SAFB: variants seen among roughly 807,000 people sequenced by gnomAD.
SAFB encodes scaffold attachment factor B1.
In SAFB, 15 loss-of-function variants were observed where a neutral mutation model predicts 101.6. That is an observed-to-expected ratio of 0.15 (90% CI 0.10 to 0.23). The LOEUF is 0.23. Among genes scored for constraint, SAFB ranks in the 10% least tolerant of loss-of-function variants. SAFB has a pLI of 1.00. For missense variants in SAFB, 930 were observed against 1,104.1 expected, an observed-to-expected ratio of 0.84 and a Z score of 2.23; for synonymous variants, 449 against 407.5, an observed-to-expected ratio of 1.10 and a Z score of -1.23.
intron 4 of SAFB, among the ~76,000 whole-genome samples, chr19:5,644,058 G>GTTTTT (rs1465881179): frequency 6.6e-6 from 1 of 152,004 alleles, no homozygotes; most frequent in Admixed American, 6.6e-5. Flanking sequence ...TTTTGTTTTT[G>GTTTTT]TTTTGGGGTT....
At chr19:5,642,406 A>C (rs188731036) in intron 4 of SAFB, among the ~76,000 whole-genome samples, 1 of 152,094 alleles carries the variant, frequency 6.6e-6, no homozygotes, top group Non-Finnish European at 1.5e-5. Flanking sequence ...TGATTGTGCA[A>C]TTGAAGTCCA....
At chr19:5,643,254 T>TG (rs950047690) in intron 4 of SAFB, among the ~76,000 whole-genome samples, 13 of 151,924 alleles carry the variant, frequency 8.6e-5, no homozygotes, top group African/African-American at 1.2e-4. Flanking sequence ...TGTTGGCTCG[T>TG]GGGGGGCCCT....
At chr19:5,659,882 A>G (rs984627106) in intron 14 of SAFB, among the ~76,000 whole-genome samples, 7 of 152,140 alleles carry the variant, frequency 4.6e-5, no homozygotes, top group Admixed American at 4.6e-4. Flanking sequence ...CCTATGAACA[A>G]GGAAGTGTGG....
At chr19:5,642,968 G>T (rs1484779039) in intron 4 of SAFB, among the ~76,000 whole-genome samples, 1 of 152,014 alleles carries the variant, frequency 6.6e-6, no homozygotes, top group East Asian at 1.9e-4. Flanking sequence ...CGCCCAGCAT[G>T]TGCCCTTTAA....
intron 2 of SAFB, among the ~76,000 whole-genome samples, chr19:5,628,014 G>A (rs1165092021): frequency 1.3e-5 from 2 of 152,192 alleles, no homozygotes; most frequent in Non-Finnish European, 2.9e-5. Flanking sequence ...ACTTTGGGAG[G>A]TTGAGGCGGA....
At chr19:5,656,752 TTTTA>T (rs1309060462) in intron 13 of SAFB, among the ~76,000 whole-genome samples, 5 of 151,764 alleles carry the variant, frequency 3.3e-5, no homozygotes, top group Admixed American at 1.3e-4. Context: ...AATTTTTATT[TTTTA>T]TTTATTTATT....
At chr19:5,662,487 C>T (rs1017723158) in intron 15 of SAFB, among the ~76,000 whole-genome samples, 4 of 150,178 alleles carry the variant, frequency 2.7e-5, no homozygotes, top group Non-Finnish European at 4.4e-5. Context: ...GAGTGAGACT[C>T]GGTCTCAAAA....
intron 14 of SAFB, among the ~76,000 whole-genome samples, chr19:5,657,663 T>C (rs1367864161): frequency 6.6e-6 from 1 of 152,072 alleles, no homozygotes; most frequent in Non-Finnish European, 1.5e-5. Flanking sequence ...TAGCTGGGAC[T>C]ATAGGCGTGC....
At chr19:5,633,545 C>T (rs2053532948) in intron 2 of SAFB, among the ~76,000 whole-genome samples, 1 of 152,010 alleles carries the variant, frequency 6.6e-6, no homozygotes, top group Non-Finnish European at 1.5e-5. Flanking sequence ...TTTGGGAGGC[C>T]GAGGCAGGCG....
At chr19:5,656,095 G>A (rs975150199) in intron 13 of SAFB, among the ~76,000 whole-genome samples, 1 of 152,026 alleles carries the variant, frequency 6.6e-6, no homozygotes, top group Non-Finnish European at 1.5e-5. Context: ...ATTATGATAA[G>A]CAAAATGTAA....
In SAFB at chr19:5,667,101, G is replaced by A. The variant is rs756281088; in HGVS notation, c.2390G>A (p.Gly797Asp). 4 of 1,612,794 alleles carry A rather than the reference G, an allele frequency of 2.5e-6. No homozygotes were observed. The highest frequency in any genetic ancestry group is 3.4e-6 in the Non-Finnish European group (4 of 1,179,638). Residue 797 changes from glycine (G) to aspartate (D), a missense_variant, in exon 18 of 21, where the codon GGC becomes GAC. Around this residue, in one of 7 missense-constraint regions of SAFB, gnomAD observed 318 missense variants for 342.6 expected, o/e 0.93. Coordinates refer to ENST00000588852, the MANE Select transcript of SAFB (RefSeq NM_001201338.2). The surrounding 1 kb of genome is among the most constrained non-coding windows in gnomAD (Gnocchi z 4.0). The part of the protein sequence containing the change: ...PERHGRDSRD[G>D]WGGYGSDKRM... ...CGCCACGGCCGGGACTCCCGCGATG[G>A]CTGGGGGGGCTATGGCTCTGACAAG...
chr19:5,628,538 T>C (rs2053418664), intron 2 of SAFB, among the ~76,000 whole-genome samples: 1 of 152,204 alleles, frequency 6.6e-6, no homozygotes. Flanking sequence ...TTTCTACTTG[T>C]GGCAATATGT....
chr19:5,625,271 GC>G (rs1247978478), intron 1 of SAFB, among the ~76,000 whole-genome samples: 1 of 152,180 alleles, frequency 6.6e-6, no homozygotes, highest in African/African-American at 2.4e-5. Flanking sequence ...CAGGACACCT[GC>G]CTAGGGCATT....
In SAFB at chr19:5,661,819, C is replaced by A; in HGVS notation, c.2153+11C>A. The A allele has an allele frequency of 6.6e-7, 1 of 1,523,102 alleles. No individual in the cohort carries two copies. Among genetic ancestry groups the A allele is most frequent in the Non-Finnish European group, 8.8e-7 (1 of 1,132,132 alleles). 94.3% of individuals were successfully genotyped at this position (1,523,102 alleles called of 1,614,324 possible). A position where few individuals can be genotyped will look rare whatever the true frequency, so the allele number is the denominator to read the frequency against. ...CTACGACCTGGACCGGTAAGCAGATCCATGCTGCCCTTAGCACGTGGCGTT... is the reference window on the plus strand; with the variant it reads ...CTACGACCTGGACCGGTAAGCAGATACATGCTGCCCTTAGCACGTGGCGTT... On this transcript the variant is annotated intron_variant, in intron 15 of 20. Coordinates refer to ENST00000588852, the MANE Select transcript of SAFB (RefSeq NM_001201338.2).
Position 5,623,180 on chromosome 19 carries a change from T to C in SAFB, c.-26T>C. The C allele has an allele frequency of 6.4e-7, 1 of 1,557,538 alleles. No individual in the cohort carries two copies. The highest frequency in any genetic ancestry group is 1.2e-5 in the South Asian group (1 of 85,250). ...AAAACCGGCCCGGTTCTGTGGAAAG[T>C]GGGCGGCGGAGCCAGGGTCCCTGGA... On this transcript the variant is annotated 5_prime_UTR_variant, in exon 1 of 21. Transcript: ENST00000588852.
chr19:5,651,622 G>A (rs557574897), intron 9 of SAFB, among the ~76,000 whole-genome samples: 3 of 152,122 alleles, frequency 2.0e-5, no homozygotes, highest in African/African-American at 7.2e-5. Context: ...TCCTGAGCCC[G>A]TGAAGGTGGG....
At chr19:5,631,673 A>AT (rs1457589541) in intron 2 of SAFB, among the ~76,000 whole-genome samples, 39 of 152,154 alleles carry the variant, frequency 2.6e-4, no homozygotes, top group Non-Finnish European at 1.5e-4. Flanking sequence ...TCACTTTAAC[A>AT]TTTTTTTTAA....
chr19:5,631,054 G>A (rs372198904), intron 2 of SAFB, among the ~76,000 whole-genome samples: 12 of 152,124 alleles, frequency 7.9e-5, no homozygotes, highest in African/African-American at 2.9e-4. Context: ...GCTGGGCATG[G>A]TGGCGGATGC....
In SAFB at chr19:5,654,357, C is replaced by G. The variant is rs1472605942; in HGVS notation, c.1667-11C>G. On this transcript the variant is annotated splice_polypyrimidine_tract_variant and intron_variant, in intron 12 of 20. Coordinates refer to ENST00000588852, the MANE Select transcript of SAFB (RefSeq NM_001201338.2). The stretch of plus-strand genomic sequence containing the variant: ...GGTTTTCCACTTACACTTTCCCCGT[C>G]TTTTCTGTAGGAAGTCGAGGGACCG... 1 of 1,608,192 alleles carries G rather than the reference C, an allele frequency of 6.2e-7. No individual in the cohort carries two copies. Among genetic ancestry groups the G allele is most frequent in the Non-Finnish European group, 8.5e-7 (1 of 1,175,024 alleles).
Sources: allele counts gnomAD v4.1 joint callset (sites outside exome capture counted in the v4.1 genomes callset), GRCh38; gene constraint gnomAD v4.1.1; regional missense constraint gnomAD v4.1.1; non-coding constraint Gnocchi (gnomAD v3.1); transcripts MANE v1.5; gene names NCBI Gene and HGNC (gene_info 2026-07-23, HGNC 2026-07-21).